CACNA1A: variants seen among roughly 807,000 people sequenced by gnomAD.
CACNA1A encodes the protein calcium voltage-gated channel subunit alpha1 A.
In CACNA1A, 57 loss-of-function variants were observed where a neutral mutation model predicts 262.4. The ratio of observed to expected loss-of-function variants is 0.22; its 90% CI spans 0.18 to 0.27. The LOEUF is 0.27. CACNA1A is among the 10% of genes least tolerant of loss of function. CACNA1A has a pLI of 1.00. For synonymous variants in CACNA1A, 1,431 were observed against 1,419.3 expected (o/e 1.01, Z -0.18); for missense variants, 2,526 against 3,562.8 (o/e 0.71, Z 7.41).
At chr19:13,466,365 G>A (rs1446628271) in intron 1 of CACNA1A, among the ~76,000 whole-genome samples, 1 of 149,144 alleles carries the variant, frequency 6.7e-6, no homozygotes, top group African/African-American at 2.5e-5. Flanking sequence ...CCTAACCTGG[G>A]TCAGCACCCA....
intron 3 of CACNA1A, among the ~76,000 whole-genome samples, chr19:13,441,105 G>GC (rs1262014845): frequency 1.3e-5 from 2 of 152,100 alleles, no homozygotes; most frequent in African/African-American, 4.8e-5. Flanking sequence ...CAGCCACCAT[G>GC]CCCCACCAAG....
At chr19:13,440,988 G>A (rs2060709074) in intron 3 of CACNA1A, among the ~76,000 whole-genome samples, 1 of 152,080 alleles carries the variant, frequency 6.6e-6, no homozygotes, top group Admixed American at 6.6e-5. Flanking sequence ...GCTTTGTTTT[G>A]TTTTTGTAGA....
intron 3 of CACNA1A, among the ~76,000 whole-genome samples, chr19:13,441,758 C>G (rs1339423646): frequency 6.6e-6 from 1 of 152,004 alleles, no homozygotes; most frequent in Non-Finnish European, 1.5e-5. Context: ...CAGGCAGCCA[C>G]CTCCCTGCCC....
At chr19:13,269,701 C>A (rs2056966419) in intron 24 of CACNA1A, among the ~76,000 whole-genome samples, 1 of 152,160 alleles carries the variant, frequency 6.6e-6, no homozygotes, top group Non-Finnish European at 1.5e-5. Context: ...GAGCGTGATA[C>A]CACGTGTGAT....
At chr19:13,329,308 C>A (rs758619919) in intron 10 of CACNA1A, among the ~76,000 whole-genome samples, 17 of 151,284 alleles carry the variant, frequency 1.1e-4, no homozygotes, top group African/African-American at 4.1e-4. Context: ...CCAGCTTAAC[C>A]GTCACTTCCT....
At chr19:13,505,702 AC>A (rs1186361854) in intron 1 of CACNA1A, among the ~76,000 whole-genome samples, 1 of 136,202 alleles carries the variant, frequency 7.3e-6, no homozygotes, top group African/African-American at 2.7e-5. Context: ...TCCGCTGCCC[AC>A]CCCCCAGCCC....
chr19:13,417,139 G>C (rs1334051136), intron 3 of CACNA1A, among the ~76,000 whole-genome samples: 1 of 152,176 alleles, frequency 6.6e-6, no homozygotes, highest in East Asian at 1.9e-4. Context: ...TCCAGGAGGT[G>C]GCAGCCACTC....
At chr19:13,376,795 AT>A (rs1205114519) in intron 3 of CACNA1A, among the ~76,000 whole-genome samples, 5 of 113,966 alleles carry the variant, frequency 4.4e-5, no homozygotes, top group South Asian at 2.7e-4. Context: ...TGTGACATAT[AT>A]ACACATAATA....
intron 38 of CACNA1A, among the ~76,000 whole-genome samples, chr19:13,221,849 C>T (rs553716931): frequency 6.6e-6 from 1 of 152,206 alleles, no homozygotes; most frequent in Admixed American, 6.5e-5. Flanking sequence ...TTCTTTCCCC[C>T]TAATGATGGA....
intron 22 of CACNA1A, 82 bp downstream of exon 22, chr19:13,283,185 C>T: frequency 1.3e-6 from 2 of 1,551,434 alleles, no homozygotes; most frequent in Non-Finnish European, 8.8e-7. Context: ...TCCCACCCTA[C>T]CTATGAGCAT....
Position 13,402,873 on chromosome 19 carries a change from C to CATAT in CACNA1A, c.540-31098_540-31095dup, listed in dbSNP as rs71170507. 4.8e-3 allele frequency among the ~76,000 whole-genome samples: 348 copies of CATAT among 72,684 alleles called. 5 individuals are homozygous for CATAT. The highest frequency in any genetic ancestry group is 9.9e-3 in the East Asian group (30 of 3,032). 47.7% of individuals were successfully genotyped at this position (72,684 alleles called of 152,430 possible). ...ATATATATATACACACACACACACA[C>CATAT]ATATATATATATATATATATATATA... is the stretch of plus-strand genomic sequence containing the variant. On this transcript the variant is annotated intron_variant, in intron 3 of 46. Coordinates refer to ENST00000360228, the MANE Select transcript of CACNA1A (RefSeq NM_001127222.2).
chr19:13,292,221 T>C (rs1404909240), intron 19 of CACNA1A, among the ~76,000 whole-genome samples: 1 of 152,050 alleles, frequency 6.6e-6, no homozygotes, highest in Non-Finnish European at 1.5e-5. Context: ...TTGAATTATA[T>C]GAAATAGAAT....
rs1568426030 is a variant in CACNA1A, at chr19:13,214,496, C to T, written c.5839+5G>A. The stretch of plus-strand genomic sequence containing the variant: ...TTGGATCCCAGGGCTGGGCTCAGCT[C>T]TTACACTTGTGAGGTGTGACCAGCA... On this transcript the variant is annotated splice_donor_5th_base_variant and intron_variant, in intron 39 of 46. Coordinates refer to ENST00000360228, the MANE Select transcript of CACNA1A (RefSeq NM_001127222.2). This position sits in a 1 kb window ranked among gnomAD's most constrained non-coding sequence, Gnocchi z 4.1. 1 of 1,611,070 alleles carries T rather than the reference C, an allele frequency of 6.2e-7. No homozygotes were observed. Among genetic ancestry groups the T allele is most frequent in the Non-Finnish European group, 8.5e-7 (1 of 1,177,424 alleles).
intron 1 of CACNA1A, among the ~76,000 whole-genome samples, chr19:13,490,129 TA>T (rs1980579628): frequency 6.6e-6 from 1 of 152,196 alleles, no homozygotes; most frequent in South Asian, 2.1e-4. Context: ...TAGAGAAAAG[TA>T]AATGACCAGC....
intron 5 of CACNA1A, chr19:13,364,386 C>T (rs186405614): frequency 6.6e-6 from 1 of 152,414 alleles, no homozygotes; most frequent in East Asian, 1.9e-4. Flanking sequence ...AGGTACCACT[C>T]ACAATGCATT....
chr19:13,376,842 G>GATAT (rs200437859), intron 3 of CACNA1A, among the ~76,000 whole-genome samples: 5 of 140,208 alleles, frequency 3.6e-5, no homozygotes, highest in African/African-American at 1.3e-4. Context: ...TGTTATATGT[G>GATAT]ATATATAACA....
intron 30 of CACNA1A, chr19:13,245,671 CTTTTT>C (rs763446754): frequency 2.6e-5 from 3 of 115,884 alleles, no homozygotes; most frequent in Admixed American, 9.3e-5. Flanking sequence ...CTTTCTTTCT[CTTTTT>C]TTTTTTTTTT....
intron 3 of CACNA1A, among the ~76,000 whole-genome samples, chr19:13,410,981 C>T (rs1428221654): frequency 6.6e-6 from 1 of 152,114 alleles, no homozygotes; most frequent in Non-Finnish European, 1.5e-5. Context: ...TGCATCTATG[C>T]CCTTATTCAG....
At chr19:13,307,454 G>A (rs923973111) in intron 15 of CACNA1A, 1 of 220,930 alleles carries the variant, frequency 4.5e-6, no homozygotes, top group East Asian at 1.1e-4. Flanking sequence ...GGCTGGTCTC[G>A]AATTCCTGAT....
Sources: gnomAD v4.1 joint callset for allele counts (sites outside exome capture counted in the v4.1 genomes callset) on GRCh38, gnomAD v4.1.1 for gene constraint, Gnocchi (gnomAD v3.1) non-coding constraint, MANE v1.5 for transcripts, NCBI Gene and HGNC (gene_info 2026-07-23, HGNC 2026-07-21) for gene names.